Variants in TMEM108 observed in about 807,000 individuals in gnomAD.
The protein encoded by TMEM108 is cancer/testis antigen 124.
In TMEM108, 12 loss-of-function variants were observed where a neutral mutation model predicts 35.1. The observed-to-expected ratio is 0.34, with a 90% CI of 0.22 to 0.55. The LOEUF is 0.55. Ranked by LOEUF, TMEM108 falls within the 20% of genes least tolerant of loss-of-function variation. TMEM108 has a pLI of 0.89. For synonymous variants in TMEM108, 287 were observed against 308.6 expected, an observed-to-expected ratio of 0.93 and a Z score of 0.73; for missense variants, 680 against 753.3, an observed-to-expected ratio of 0.90 and a Z score of 1.14.
At chr3:133,225,577 G>C (rs543983412) in intron 2 of TMEM108, among the ~76,000 whole-genome samples, 1 of 152,184 alleles carries the variant, frequency 6.6e-6, no homozygotes, top group South Asian at 2.1e-4. Flanking sequence ...ATTTTGATGA[G>C]ATCAAGTCAG....
At chr3:133,174,550 G>A (rs2107794076) in intron 2 of TMEM108, among the ~76,000 whole-genome samples, 1 of 152,340 alleles carries the variant, frequency 6.6e-6, no homozygotes, top group Admixed American at 6.5e-5. Context: ...CTCCGCTGCT[G>A]ATACCCAGGG....
chr3:133,376,566 T>C (rs1364269837), intron 3 of TMEM108, among the ~76,000 whole-genome samples: 1 of 152,132 alleles, frequency 6.6e-6, no homozygotes. Context: ...GGAAGTGCAG[T>C]GATGAGCATC....
At chr3:133,278,925 G>GTA (rs1946873594) in intron 3 of TMEM108, among the ~76,000 whole-genome samples, 1 of 152,096 alleles carries the variant, frequency 6.6e-6, no homozygotes, top group African/African-American at 2.4e-5. Context: ...AAATTGTCCG[G>GTA]AGCATTCATG....
chr3:133,054,087 C>T (rs1432430051), intron 2 of TMEM108, among the ~76,000 whole-genome samples: 1 of 152,142 alleles, frequency 6.6e-6, no homozygotes, highest in African/African-American at 2.4e-5. Context: ...GCTGAGACCC[C>T]ACTGGGGTAG....
At chr3:133,230,428 T>C (rs1431185794) in intron 3 of TMEM108, among the ~76,000 whole-genome samples, 2 of 152,224 alleles carry the variant, frequency 1.3e-5, no homozygotes, top group African/African-American at 4.8e-5. Flanking sequence ...CCAAGTGTTA[T>C]AGGGACTTTC....
chr3:133,089,718 A>G (rs910025651), intron 2 of TMEM108, among the ~76,000 whole-genome samples: 2 of 152,228 alleles, frequency 1.3e-5, no homozygotes, highest in Non-Finnish European at 2.9e-5. Context: ...GGTGCAAGCT[A>G]TCTCTTGTTT....
chr3:133,041,773 A>G (rs939099091), intron 1 of TMEM108: 3 of 152,234 alleles, frequency 2.0e-5, no homozygotes, highest in Non-Finnish European at 4.4e-5. Flanking sequence ...ATCGTTTCTA[A>G]TTATTTGCAT....
At chr3:133,304,184 C>CT (rs1172905923) in intron 3 of TMEM108, among the ~76,000 whole-genome samples, 1 of 152,126 alleles carries the variant, frequency 6.6e-6, no homozygotes, top group Non-Finnish European at 1.5e-5. Context: ...CAATTCTTTT[C>CT]TTTTCCCTCA....
At chr3:133,358,194 T>C (rs2072233880) in intron 3 of TMEM108, among the ~76,000 whole-genome samples, 2 of 150,730 alleles carry the variant, frequency 1.3e-5, no homozygotes, top group African/African-American at 4.9e-5. Flanking sequence ...CCTTTTGAGA[T>C]GAAGTCTTGC....
chr3:133,105,728 C>G (rs1944142445), intron 2 of TMEM108, among the ~76,000 whole-genome samples: 1 of 152,194 alleles, frequency 6.6e-6, no homozygotes, highest in Admixed American at 6.5e-5. Flanking sequence ...GATAAACTGG[C>G]TTGGCATATA....
chr3:133,113,170 G>A (rs1302033998), intron 2 of TMEM108, among the ~76,000 whole-genome samples: 1 of 152,128 alleles, frequency 6.6e-6, no homozygotes. Flanking sequence ...ACAGCAATGT[G>A]AATGGATGGG....
intron 2 of TMEM108, among the ~76,000 whole-genome samples, chr3:133,146,034 G>A (rs1307307113): frequency 6.6e-6 from 1 of 152,190 alleles, no homozygotes; most frequent in South Asian, 2.1e-4. Flanking sequence ...GGGCATCCTT[G>A]TCTTGTGCCG....
At chr3:133,103,836 G>T (rs1010053928) in intron 2 of TMEM108, among the ~76,000 whole-genome samples, 4 of 152,166 alleles carry the variant, frequency 2.6e-5, no homozygotes, top group African/African-American at 7.2e-5. Context: ...GGCAAGTCAG[G>T]TCCTCACTTT....
chr3:133,254,921 C>T (rs62278973), intron 3 of TMEM108, among the ~76,000 whole-genome samples: 46,431 of 152,092 alleles, frequency 0.31, 7,817 homozygotes, highest in East Asian at 0.47. Flanking sequence ...ATTCATATTT[C>T]TGGTGGTTCA....
At chr3:133,061,212 C>CTTT (rs778632376) in intron 2 of TMEM108, among the ~76,000 whole-genome samples, 59 of 129,994 alleles carry the variant, frequency 4.5e-4, no homozygotes, top group Non-Finnish European at 6.2e-4. Context: ...GGCATGTCTC[C>CTTT]TTTTTTTTTT....
At chr3:133,179,060 C>G (rs1410606595) in intron 2 of TMEM108, among the ~76,000 whole-genome samples, 1 of 152,092 alleles carries the variant, frequency 6.6e-6, no homozygotes, top group South Asian at 2.1e-4. Flanking sequence ...AAAAAATGCT[C>G]ATCATCACTG....
chr3:133,109,689 C>T (rs1345761381), intron 2 of TMEM108, among the ~76,000 whole-genome samples: 1 of 152,104 alleles, frequency 6.6e-6, no homozygotes, highest in Non-Finnish European at 1.5e-5. Context: ...ATTTCTAAGA[C>T]TCATAAAGGT....
chr3:133,267,388 C>T (rs1354442317), intron 3 of TMEM108, among the ~76,000 whole-genome samples: 11 of 152,062 alleles, frequency 7.2e-5, no homozygotes, highest in Non-Finnish European at 8.8e-5. Flanking sequence ...TGCAAGAAAA[C>T]GTCAATTAAG....
intron 3 of TMEM108, among the ~76,000 whole-genome samples, chr3:133,373,384 T>TGATAGATAGATA (rs55867564): frequency 2.6e-4 from 35 of 136,302 alleles, no homozygotes; most frequent in East Asian, 4.2e-4. Context: ...GATAGATAGA[T>TGATAGATAGATA]GATAGATAGA....
Sources: gnomAD v4.1 joint callset for allele counts (sites outside exome capture counted in the v4.1 genomes callset) on GRCh38, gnomAD v4.1.1 for gene constraint, MANE v1.5 for transcripts, NCBI Gene and HGNC (gene_info 2026-07-23, HGNC 2026-07-21) for gene names.